CYSLTR2: variants seen among roughly 807,000 people sequenced by gnomAD.
The protein encoded by CYSLTR2 is G-protein coupled receptor GPCR21.
For synonymous variants in CYSLTR2, 179 were observed against 160.8 expected, an observed-to-expected ratio of 1.11 and a Z score of -0.86; for missense variants, 398 against 411.9, an observed-to-expected ratio of 0.97 and a Z score of 0.29.
intron 1 of CYSLTR2, among the ~76,000 whole-genome samples, chr13:48,681,376 G>T (rs970956148): frequency 6.6e-6 from 1 of 152,122 alleles, no homozygotes; most frequent in East Asian, 1.9e-4. Context: ...TGCGCTCAAG[G>T]CTTTGTCTAA....
intron 1 of CYSLTR2, among the ~76,000 whole-genome samples, chr13:48,661,776 A>G (rs1953135710): frequency 6.6e-6 from 1 of 152,218 alleles, no homozygotes; most frequent in Admixed American, 6.5e-5. Context: ...TGATGTTTCT[A>G]TACATGTAAT....
chr13:48,681,701 C>T (rs1347873506), intron 1 of CYSLTR2, among the ~76,000 whole-genome samples: 1 of 152,194 alleles, frequency 6.6e-6, no homozygotes, highest in East Asian at 1.9e-4. Context: ...CTGTAACTGA[C>T]AGTGTCCCTG....
At position 48,686,042 on chromosome 13, in the gene CYSLTR2, G is replaced by A. The variant is rs9634819; in HGVS notation, c.-265-5170G>A. 3.1e-3 allele frequency among the ~76,000 whole-genome samples: 478 copies of A among 152,242 alleles called. 2 individuals carry two copies. The highest frequency in any genetic ancestry group is 9.8e-3 in the East Asian group (51 of 5,184). ...CTTTTACAGAACATCTCATGGATTC[G>A]TGTTTAGTGGAAGATACTGTGGGAA... On this transcript the variant is annotated intron_variant, in intron 1 of 4. Transcript: ENST00000682523.
intron 4 of CYSLTR2, among the ~76,000 whole-genome samples, chr13:48,697,059 C>A (rs927264944): frequency 2.0e-5 from 3 of 152,194 alleles, no homozygotes; most frequent in Non-Finnish European, 2.9e-5. Flanking sequence ...GGCCTGTCTG[C>A]CTTTGTAGAC....
intron 4 of CYSLTR2, among the ~76,000 whole-genome samples, chr13:48,703,501 A>G (rs568327696): frequency 2.0e-5 from 3 of 152,118 alleles, no homozygotes; most frequent in Non-Finnish European, 4.4e-5. Flanking sequence ...CTTTACTGCT[A>G]TATTTCTGAG....
At chr13:48,674,348 T>C (rs1241660161) in intron 1 of CYSLTR2, among the ~76,000 whole-genome samples, 1 of 152,208 alleles carries the variant, frequency 6.6e-6, no homozygotes, top group African/African-American at 2.4e-5. Context: ...AATCTTGTCT[T>C]CATGCTTTAT....
In CYSLTR2 at chr13:48,707,278, G is replaced by A. The variant is rs143735193; in HGVS notation, c.461G>A (p.Ser154Asn). 3,077 of 1,614,032 alleles carry A rather than the reference G, an allele frequency of 1.9e-3. 7 individuals carry two copies. Among genetic ancestry groups the A allele is most frequent in the Middle Eastern group, 4.6e-3 (28 of 6,062 alleles). The part of the protein sequence containing the change: ...FRLLHVTSIR[S>N]AWILCGIIWI... ...CTTCTGCATGTCACCAGCATCAGGA[G>A]TGCCTGGATCCTCTGTGGGATCATA... Residue 154 changes from serine (S) to asparagine (N), a missense_variant, in exon 5 of 5, where the codon AGT becomes AAT. Transcript: ENST00000682523.
Position 48,706,932 on chromosome 13 carries a change from G to C in CYSLTR2, c.115G>C (p.Glu39Gln), listed in dbSNP as rs61735177. ...RNCTIENFKR[E>Q]FFPIVYLIIF... is the part of the protein sequence containing the mutation. ...CTGCACAATTGAAAACTTCAAGAGA[G>C]AATTTTTCCCAATTGTATATCTGAT... Residue 39 changes from glutamate to glutamine, a missense_variant, in exon 5 of 5, where the codon GAA (glutamate) becomes CAA (glutamine). Transcript: ENST00000682523. The C allele has an allele frequency of 1.7e-3, 2,707 of 1,614,152 alleles. 48 individuals carry two copies. In the African/African-American group the frequency reaches 0.031, roughly 19 times the overall value.
intron 1 of CYSLTR2, among the ~76,000 whole-genome samples, chr13:48,684,735 T>C (rs1373106646): frequency 1.3e-5 from 2 of 152,160 alleles, no homozygotes; most frequent in African/African-American, 4.8e-5. Context: ...AAAGTGGCCT[T>C]ATTTGGAAAT....
Position 48,707,156 on chromosome 13 carries a change from T to C in CYSLTR2, c.339T>C (p.Ile113=). Reference sequence around the variant, plus strand: ...TATTTGGAGACCTGGCCTGCAGGATTATGTCTTATTCCTTGTATGTCAACA... The same window carrying C: ...TATTTGGAGACCTGGCCTGCAGGATCATGTCTTATTCCTTGTATGTCAACA... ...NWIFGDLACR[I]MSYSLYVNMY... The change falls in exon 5 of 5, where the codon ATT becomes ATC. Residue 113 remains isoleucine (I), a synonymous_variant. Coordinates refer to ENST00000682523, the MANE Select transcript of CYSLTR2 (RefSeq NM_001308476.3). 4 of 1,614,226 alleles carry C rather than the reference T, an allele frequency of 2.5e-6. No individual in the cohort carries two copies. The highest frequency in any genetic ancestry group is 3.4e-6 in the Non-Finnish European group (4 of 1,180,036).
At chr13:48,674,435 T>C (rs1177424509) in intron 1 of CYSLTR2, among the ~76,000 whole-genome samples, 3 of 152,214 alleles carry the variant, frequency 2.0e-5, no homozygotes, top group Admixed American at 2.0e-4. Flanking sequence ...TGTATATGCT[T>C]CATAAAGTTC....
intron 1 of CYSLTR2, among the ~76,000 whole-genome samples, chr13:48,656,190 T>C (rs1952993470): frequency 6.6e-6 from 1 of 152,232 alleles, no homozygotes; most frequent in South Asian, 2.1e-4. Context: ...GAATGTGTAC[T>C]ACTTGTGTAA....
rs1446615027 is a variant in CYSLTR2 at position 48,688,773 on chromosome 13, A to G, written c.-265-2439A>G. Among the ~76,000 whole-genome samples the G allele has an allele frequency of 3.9e-5, 6 of 152,338 alleles. No individual in the cohort carries two copies. The East Asian group carries it at 1.2e-3, about 29-fold the overall frequency. ...CTTATAATCCTTTGGGTGTATACCC[A>G]GTAATGGGATGGCTGGGTCAAAAGG... On this transcript the variant is annotated intron_variant, in intron 1 of 4. Coordinates refer to ENST00000682523, the MANE Select transcript of CYSLTR2 (RefSeq NM_001308476.3).
rs764987046 is a variant in CYSLTR2, at chr13:48,706,997, A to C, written c.180A>C (p.Ile60=). 16 of 1,614,008 alleles carry C rather than the reference A, an allele frequency of 9.9e-6. No homozygotes were observed. Among genetic ancestry groups the C allele is most frequent in the African/African-American group, 1.3e-5 (1 of 74,890 alleles). ...FWGVLGNGLS[I]YVFLQPYKKS... The stretch of plus-strand genomic sequence containing the variant: ...GAGTCTTGGGAAATGGGTTGTCCAT[A>C]TATGTTTTCCTGCAGCCTTATAAGA... The change falls in exon 5 of 5, where the codon ATA becomes ATC. Residue 60 remains isoleucine, a synonymous_variant. Transcript: ENST00000682523.
chr13:48,701,883 C>T (rs1954358282), intron 4 of CYSLTR2, among the ~76,000 whole-genome samples: 1 of 152,138 alleles, frequency 6.6e-6, no homozygotes, highest in Non-Finnish European at 1.5e-5. Flanking sequence ...ACTAGAAATA[C>T]CATTTGACCC....
chr13:48,677,069 G>A (rs1054649056), intron 1 of CYSLTR2, among the ~76,000 whole-genome samples: 4 of 152,168 alleles, frequency 2.6e-5, no homozygotes, highest in African/African-American at 9.7e-5. Context: ...TGAAGTGACT[G>A]GGGGTCAGAA....
chr13:48,707,514 G>A lies in CYSLTR2; in HGVS notation c.697G>A (p.Val233Ile). 1 of 1,610,936 alleles carries A rather than the reference G, an allele frequency of 6.2e-7. No homozygotes were observed. The highest frequency in any genetic ancestry group is 8.5e-7 in the Non-Finnish European group (1 of 1,180,000). ...CATTCGGGTTCTGTTAAAAGTGGAG[G>A]TCCCAGAATCGGGGCTGCGGGTTTC... ...LIIRVLLKVE[V>I]PESGLRVSHR... The change falls in exon 5 of 5, where the codon GTC (valine) becomes ATC (isoleucine). Residue 233 changes from valine to isoleucine, a missense_variant. Transcript: ENST00000682523.
chr13:48,671,509 GC>G (rs1953430058), intron 1 of CYSLTR2, among the ~76,000 whole-genome samples: 1 of 152,120 alleles, frequency 6.6e-6, no homozygotes, highest in South Asian at 2.1e-4. Context: ...TTTATCAAAG[GC>G]CTTTTCTGCA....
In CYSLTR2 at chr13:48,710,826, T is replaced by G. The variant is rs895472115; in HGVS notation, c.*2968T>G. 2 of 152,208 alleles carry G rather than the reference T, an allele frequency of 1.3e-5. No individual in the cohort carries two copies. Among genetic ancestry groups the G allele is most frequent in the African/African-American group, 4.8e-5 (2 of 41,452 alleles). The allele number at this position is 152,208 out of a possible 1,614,324, so 9.4% of individuals were successfully genotyped here. A position where few individuals can be genotyped will look rare whatever the true frequency, so the allele number is the denominator to read the frequency against. ...GTTTGGTACTATTTGGGTTTGGTGC[T>G]ATTCGTATTCAGGGTCTTGGAATGC... On this transcript the variant is annotated 3_prime_UTR_variant, in exon 5 of 5. Coordinates refer to ENST00000682523, the MANE Select transcript of CYSLTR2 (RefSeq NM_001308476.3).
Sources: gnomAD v4.1 joint callset for allele counts (sites outside exome capture counted in the v4.1 genomes callset) on GRCh38, gnomAD v4.1.1 for gene constraint, MANE v1.5 for transcripts, NCBI Gene and HGNC (gene_info 2026-07-23, HGNC 2026-07-21) for gene names.